Variants in SEC24B observed in about 807,000 individuals in gnomAD.
The protein encoded by SEC24B is protein transport protein Sec24B.
A neutral mutation model predicts 142.8 loss-of-function variants in SEC24B; 45 were observed. That is an observed-to-expected ratio of 0.32 (90% CI 0.25 to 0.40). SEC24B has a LOEUF of 0.40. Ranked by LOEUF, SEC24B falls within the 10% of genes least tolerant of loss-of-function variation. The probability of loss-of-function intolerance (pLI) is 1.00; values close to 1 mark genes in which losing one functional copy is unlikely to be tolerated. For synonymous variants in SEC24B, 574 were observed against 568.2 expected (o/e 1.01, Z -0.15); for missense variants, 1,409 against 1,526.8 (o/e 0.92, Z 1.29).
At chr4:109,452,831 ATTC>A (rs1730245813) in intron 1 of SEC24B, among the ~76,000 whole-genome samples, 1 of 152,122 alleles carries the variant, frequency 6.6e-6, no homozygotes, top group African/African-American at 2.4e-5. Flanking sequence ...TTTCTGTGTT[ATTC>A]TTTTAATTTT....
intron 4 of SEC24B, among the ~76,000 whole-genome samples, chr4:109,484,292 A>T (rs1237433909): frequency 6.6e-6 from 1 of 152,178 alleles, no homozygotes; most frequent in African/African-American, 2.4e-5. Context: ...TCATGATTAG[A>T]TTCAGACCAT....
At chr4:109,518,610 T>C (rs1005588110) in intron 11 of SEC24B, among the ~76,000 whole-genome samples, 2 of 152,252 alleles carry the variant, frequency 1.3e-5, no homozygotes, top group African/African-American at 2.4e-5. Flanking sequence ...ATTTTAAAAA[T>C]TGAGAGATAT....
In SEC24B at chr4:109,477,949, A is replaced by G. The variant is rs551800724; in HGVS notation, c.1061-3728A>G. ...CTTGAGTTTTAGTGAGTATGTTTTA[A>G]AAACACTTGGTAGTCCTAGAAAATA... On this transcript the variant is annotated intron_variant, in intron 3 of 23. Coordinates refer to ENST00000265175, the MANE Select transcript of SEC24B (RefSeq NM_006323.5). Among the ~76,000 whole-genome samples, 8 of 152,312 alleles carry G rather than the reference A, an allele frequency of 5.3e-5. No individual in the cohort carries two copies. In the East Asian group the frequency reaches 1.4e-3, roughly 26 times the overall value.
intron 1 of SEC24B, among the ~76,000 whole-genome samples, chr4:109,456,694 A>G (rs1439486090): frequency 6.6e-6 from 1 of 152,228 alleles, no homozygotes; most frequent in East Asian, 1.9e-4. Context: ...GTTGAATCAC[A>G]TTGAATGTAT....
intron 1 of SEC24B, among the ~76,000 whole-genome samples, chr4:109,447,280 T>C (rs868709089): frequency 3.9e-5 from 6 of 152,202 alleles, no homozygotes; most frequent in Middle Eastern, 3.2e-3. Flanking sequence ...ATGGCTACTT[T>C]AGTGCTAAAA....
chr4:109,483,145 T>C (rs1395961516), intron 4 of SEC24B, among the ~76,000 whole-genome samples: 1 of 149,880 alleles, frequency 6.7e-6, no homozygotes. Flanking sequence ...AGTGGAGCGA[T>C]CTCGGCTCAC....
At chr4:109,472,919 C>T in intron 2 of SEC24B, 85 bp from the exon 3 acceptor site, 2 of 360,564 alleles carry the variant, frequency 5.5e-6, no homozygotes, top group Non-Finnish European at 4.6e-6. Flanking sequence ...ATATTATATA[C>T]ATTATATATA....
chr4:109,495,112 CATG>C (rs1459514536), intron 6 of SEC24B, among the ~76,000 whole-genome samples: 1 of 152,062 alleles, frequency 6.6e-6, no homozygotes, highest in Non-Finnish European at 1.5e-5. Context: ...TATTTTTCTT[CATG>C]ATATCTTTAT....
intron 2 of SEC24B, 31 bp downstream of exon 2, chr4:109,463,675 G>A (rs1214602759): frequency 1.9e-6 from 3 of 1,591,804 alleles, no homozygotes; most frequent in East Asian, 2.2e-5. Flanking sequence ...ACCAAAACAT[G>A]TTTGAAAATC....
At chr4:109,525,754 T>C (rs934099071) in intron 16 of SEC24B, among the ~76,000 whole-genome samples, 1 of 152,130 alleles carries the variant, frequency 6.6e-6, no homozygotes, top group Non-Finnish European at 1.5e-5. Flanking sequence ...TTAGAAATGA[T>C]TTTAGAAGGA....
intron 11 of SEC24B, among the ~76,000 whole-genome samples, chr4:109,517,373 T>C (rs1268001213): frequency 6.6e-6 from 1 of 152,162 alleles, no homozygotes; most frequent in East Asian, 1.9e-4. Context: ...AGAACAGATA[T>C]TGCGTGTTCT....
At chr4:109,485,322 C>T (rs996882753) in intron 4 of SEC24B, among the ~76,000 whole-genome samples, 2 of 152,194 alleles carry the variant, frequency 1.3e-5, no homozygotes, top group Non-Finnish European at 2.9e-5. Flanking sequence ...TATTAAGTAA[C>T]ATTTGTCTGT....
intron 6 of SEC24B, among the ~76,000 whole-genome samples, chr4:109,495,368 A>C (rs1222986072): frequency 6.6e-6 from 1 of 152,200 alleles, no homozygotes; most frequent in East Asian, 1.9e-4. Flanking sequence ...TGAAGTGGCT[A>C]CATTGTCTGG....
intron 11 of SEC24B, 60 bp downstream of exon 11, chr4:109,516,700 A>G (rs1722971381): frequency 1.0e-6 from 1 of 981,378 alleles, no homozygotes; most frequent in Non-Finnish European, 1.5e-6. Context: ...AAATGTGTAT[A>G]AATATGAAGT....
intron 17 of SEC24B, among the ~76,000 whole-genome samples, 190 bp downstream of exon 17, chr4:109,526,589 C>T (rs1159667790): frequency 6.6e-6 from 1 of 152,096 alleles, no homozygotes; most frequent in Non-Finnish European, 1.5e-5. Context: ...AAATAGCACA[C>T]TTTTTTAATT....
intron 1 of SEC24B, among the ~76,000 whole-genome samples, chr4:109,456,609 A>G (rs1022607209): frequency 6.6e-6 from 1 of 152,106 alleles, no homozygotes; most frequent in Non-Finnish European, 1.5e-5. Flanking sequence ...TCATGAATGG[A>G]TGCCAAGTTT....
At chr4:109,513,940 AT>A in intron 10 of SEC24B, 84 bp downstream of exon 10, 2 of 873,022 alleles carry the variant, frequency 2.3e-6, no homozygotes, top group Non-Finnish European at 3.8e-6. Context: ...TCTTATCGAG[AT>A]TTTGAAGTTG....
chr4:109,502,319 G>A (rs1736234091), intron 6 of SEC24B, among the ~76,000 whole-genome samples: 1 of 152,216 alleles, frequency 6.6e-6, no homozygotes, highest in Non-Finnish European at 1.5e-5. Context: ...GAGATTTTAT[G>A]TAATAGGATG....
chr4:109,472,208 A>G lies in SEC24B; in HGVS notation c.878-796A>G, dbSNP rs1040693726. Among the ~76,000 whole-genome samples, 3 of 152,196 alleles carry G rather than the reference A, an allele frequency of 2.0e-5. No homozygotes were observed. In the East Asian group the frequency reaches 5.8e-4, roughly 29 times the overall value. ...GACACACATACATACATGTGCAGGT[A>G]TATATATGTAGATTTATTCAGTATA... On this transcript the variant is annotated intron_variant, in intron 2 of 23. Coordinates refer to ENST00000265175, the MANE Select transcript of SEC24B (RefSeq NM_006323.5).
Sources: allele counts gnomAD v4.1 joint callset (sites outside exome capture counted in the v4.1 genomes callset), GRCh38; gene constraint gnomAD v4.1.1; transcripts MANE v1.5; gene names NCBI Gene and HGNC (gene_info 2026-07-23, HGNC 2026-07-21).